Variants in LRRC4C observed in about 807,000 individuals in gnomAD.
LRRC4C encodes leucine rich repeat containing 4C.
In LRRC4C, 5 loss-of-function variants were observed where a neutral mutation model predicts 33.6. The ratio of observed to expected loss-of-function variants is 0.15; its 90% confidence interval spans 0.08 to 0.31. The LOEUF (loss-of-function observed/expected upper bound fraction) is 0.31, where lower values mean the gene tolerates loss of function less well. LRRC4C is among the 10% of genes least tolerant of loss of function. The pLI is 1.00. For missense variants in LRRC4C, 560 were observed against 796.7 expected, an observed-to-expected ratio of 0.70 and a Z score of 3.58; for synonymous variants, 329 against 302.0, an observed-to-expected ratio of 1.09 and a Z score of -0.93.
At position 41,354,544 on chromosome 11, in the gene LRRC4C, C is replaced by T. The variant is rs1216875209; in HGVS notation, c.-496+104887G>A. ...AGATATTCTAAAATTCATATTAAAT[C>T]AGGGGAAAAAAAGACTAAATAGCCA... On this transcript the variant is annotated intron_variant, in intron 1 of 6. Transcript: ENST00000528697. 5.9e-5 allele frequency among the ~76,000 whole-genome samples: 9 copies of T among 151,854 alleles called. No homozygotes were observed. In the East Asian group the frequency reaches 1.2e-3, roughly 20 times the overall value.
intron 2 of LRRC4C, among the ~76,000 whole-genome samples, chr11:40,830,405 A>G (rs1952359431): frequency 6.6e-6 from 1 of 152,040 alleles, no homozygotes. Context: ...AGCCCATCCA[A>G]CTGCAGACTC....
chr11:41,097,524 C>G (rs377074743), intron 1 of LRRC4C, among the ~76,000 whole-genome samples: 2 of 151,916 alleles, frequency 1.3e-5, no homozygotes, highest in Non-Finnish European at 2.9e-5. Flanking sequence ...TGAGTCATAC[C>G]CAGAAGATCT....
At chr11:40,449,726 T>C (rs183532375) in intron 3 of LRRC4C, among the ~76,000 whole-genome samples, 35 of 152,320 alleles carry the variant, frequency 2.3e-4, no homozygotes, top group Non-Finnish European at 4.3e-4. Flanking sequence ...GATGGTTTTA[T>C]CATTTTTATA....
intron 3 of LRRC4C, among the ~76,000 whole-genome samples, chr11:40,506,317 C>A (rs899013039): frequency 6.6e-6 from 1 of 152,186 alleles, no homozygotes; most frequent in East Asian, 1.9e-4. Context: ...CAAGAGCTAG[C>A]AGACCATATG....
chr11:41,194,587 G>A (rs2136227982), intron 1 of LRRC4C, among the ~76,000 whole-genome samples: 1 of 152,218 alleles, frequency 6.6e-6, no homozygotes, highest in African/African-American at 2.4e-5. Context: ...ATGTTAGAAG[G>A]AACTGAGGCC....
intron 2 of LRRC4C, among the ~76,000 whole-genome samples, chr11:40,751,772 A>C (rs1268780506): frequency 1.3e-5 from 2 of 152,142 alleles, no homozygotes; most frequent in Non-Finnish European, 2.9e-5. Context: ...TATGCATGGA[A>C]CCAAAAAGGA....
intron 1 of LRRC4C, among the ~76,000 whole-genome samples, chr11:41,229,587 C>CA (rs1947692773): frequency 1.3e-5 from 2 of 152,050 alleles, no homozygotes; most frequent in Non-Finnish European, 2.9e-5. Flanking sequence ...ATTCGGAACT[C>CA]ACAAGTTTTC....
chr11:40,749,037 G>A (rs1591620661), intron 2 of LRRC4C, among the ~76,000 whole-genome samples: 1 of 152,068 alleles, frequency 6.6e-6, no homozygotes, highest in African/African-American at 2.4e-5. Flanking sequence ...TGGAATGATT[G>A]TAGGAGATTC....
chr11:41,402,285 T>C (rs923756171), intron 1 of LRRC4C, among the ~76,000 whole-genome samples: 1 of 152,062 alleles, frequency 6.6e-6, no homozygotes, highest in African/African-American at 2.4e-5. Context: ...TGCTTAGTTA[T>C]AATCCATCAA....
intron 1 of LRRC4C, among the ~76,000 whole-genome samples, chr11:41,226,940 A>G (rs1171548243): frequency 6.6e-6 from 1 of 152,036 alleles, no homozygotes; most frequent in African/African-American, 2.4e-5. Context: ...ACAACACAGT[A>G]CAAGCATTTG....
At chr11:41,014,590 C>T (rs1334004322) in intron 1 of LRRC4C, among the ~76,000 whole-genome samples, 3 of 151,562 alleles carry the variant, frequency 2.0e-5, no homozygotes, top group African/African-American at 4.9e-5. Context: ...AACCTGGAGG[C>T]CCACACATTT....
intron 1 of LRRC4C, among the ~76,000 whole-genome samples, chr11:41,068,135 G>A (rs1470562419): frequency 1.3e-5 from 2 of 152,200 alleles, no homozygotes; most frequent in East Asian, 3.9e-4. Flanking sequence ...GCTCACGCCT[G>A]TAGTCCCAGC....
intron 1 of LRRC4C, among the ~76,000 whole-genome samples, chr11:41,084,965 G>T (rs371400256): frequency 1.3e-5 from 2 of 152,172 alleles, no homozygotes; most frequent in African/African-American, 4.8e-5. Flanking sequence ...GTGAAAGTAT[G>T]CTTAAGTAAG....
At chr11:41,243,306 G>C (rs116240397) in intron 1 of LRRC4C, among the ~76,000 whole-genome samples, 2 of 152,064 alleles carry the variant, frequency 1.3e-5, no homozygotes, top group Non-Finnish European at 2.9e-5. Flanking sequence ...CCATTATCTT[G>C]TTTAACTAAA....
At chr11:40,981,470 C>T (rs1852533667) in intron 1 of LRRC4C, among the ~76,000 whole-genome samples, 1 of 151,998 alleles carries the variant, frequency 6.6e-6, no homozygotes, top group African/African-American at 2.4e-5. Flanking sequence ...TTGCTTTCTT[C>T]AGGAGAGTAT....
chr11:40,468,376 T>C (rs1172918497), intron 3 of LRRC4C, among the ~76,000 whole-genome samples: 1 of 152,182 alleles, frequency 6.6e-6, no homozygotes, highest in Non-Finnish European at 1.5e-5. Context: ...GTTAGGCAGA[T>C]CTTAGTATTT....
intron 3 of LRRC4C, among the ~76,000 whole-genome samples, chr11:40,389,959 C>T (rs1443073090): frequency 6.6e-6 from 1 of 152,132 alleles, no homozygotes; most frequent in Non-Finnish European, 1.5e-5. Flanking sequence ...TTAGAAGTCA[C>T]CCCTAGTGCA....
chr11:41,375,318 G>T (rs1952898024), intron 1 of LRRC4C, among the ~76,000 whole-genome samples: 1 of 151,536 alleles, frequency 6.6e-6, no homozygotes, highest in Admixed American at 6.6e-5. Flanking sequence ...CAGAAAGTGT[G>T]ACATACGTAA....
chr11:40,429,479 T>C (rs1030695077), intron 3 of LRRC4C, among the ~76,000 whole-genome samples: 1 of 152,160 alleles, frequency 6.6e-6, no homozygotes, highest in South Asian at 2.1e-4. Context: ...CATTGACTTC[T>C]TTTAGACTAA....
Sources: gnomAD v4.1 joint callset for allele counts (sites outside exome capture counted in the v4.1 genomes callset) on GRCh38, gnomAD v4.1.1 for gene constraint, MANE v1.5 for transcripts, NCBI Gene and HGNC (gene_info 2026-07-23, HGNC 2026-07-21) for gene names.